Variants in ABTB3 observed in about 807,000 individuals in gnomAD.
The protein encoded by ABTB3 is ankyrin repeat- and BTB/POZ domain-containing protein 3.
At chr12:107,576,574 G>T in the ABTB3 span, among the ~76,000 whole-genome samples, 5 of 151,992 alleles carry the variant, frequency 3.3e-5, no homozygotes, top group Admixed American at 1.3e-4. Flanking sequence ...CTCTTCAAAG[G>T]CTCTCTCTCC....
the ABTB3 span, among the ~76,000 whole-genome samples, chr12:107,428,377 C>T: frequency 2.0e-5 from 3 of 152,136 alleles, no homozygotes; most frequent in East Asian, 5.8e-4. Context: ...GATGTCCTGC[C>T]CTGGATGTCC....
At chr12:107,645,746 C>T in the ABTB3 span, among the ~76,000 whole-genome samples, 1 of 152,182 alleles carries the variant, frequency 6.6e-6, no homozygotes, top group South Asian at 2.1e-4. Flanking sequence ...CAAGCGGCCT[C>T]ACTGAACGAG....
the ABTB3 span, among the ~76,000 whole-genome samples, chr12:107,371,727 A>G: frequency 6.6e-6 from 1 of 152,226 alleles, no homozygotes; most frequent in African/African-American, 2.4e-5. Flanking sequence ...GAGGAAGGCC[A>G]TAATTCACTC....
chr12:107,352,371 G>T, the ABTB3 span, among the ~76,000 whole-genome samples: 1 of 152,198 alleles, frequency 6.6e-6, no homozygotes, highest in Non-Finnish European at 1.5e-5. Flanking sequence ...ATGGAGGCTA[G>T]AGTGCAGTGG....
At chr12:107,496,251 G>C in the ABTB3 span, among the ~76,000 whole-genome samples, 6 of 152,124 alleles carry the variant, frequency 3.9e-5, no homozygotes, top group African/African-American at 1.4e-4. Flanking sequence ...GGTACACCCT[G>C]TCTCCCAGCA....
the ABTB3 span, among the ~76,000 whole-genome samples, chr12:107,554,453 A>G: frequency 6.6e-6 from 1 of 152,170 alleles, no homozygotes; most frequent in South Asian, 2.1e-4. Context: ...TCTGAGCCTC[A>G]GTCTCCTTAT....
chr12:107,476,280 C>A, the ABTB3 span, among the ~76,000 whole-genome samples: 1 of 152,108 alleles, frequency 6.6e-6, no homozygotes, highest in African/African-American at 2.4e-5. Context: ...CACCCCAGCC[C>A]CTCCTTCTAA....
the ABTB3 span, among the ~76,000 whole-genome samples, chr12:107,467,383 C>T: frequency 6.6e-6 from 1 of 152,160 alleles, no homozygotes; most frequent in Non-Finnish European, 1.5e-5. Context: ...CAGCAGGCAT[C>T]CCTTGTCCCC....
chr12:107,618,575 G>A, the ABTB3 span, among the ~76,000 whole-genome samples: 344 of 152,260 alleles, frequency 2.3e-3, 2 homozygotes, highest in African/African-American at 7.9e-3. Flanking sequence ...TGCCCACTCC[G>A]TGCCCATAGA....
chr12:107,539,676 G>A, the ABTB3 span, among the ~76,000 whole-genome samples: 1 of 152,202 alleles, frequency 6.6e-6, no homozygotes, highest in Non-Finnish European at 1.5e-5. Context: ...CAGAAAGGAG[G>A]AAGAGCAGGC....
At chr12:107,495,687 G>T in the ABTB3 span, among the ~76,000 whole-genome samples, 1 of 152,140 alleles carries the variant, frequency 6.6e-6, no homozygotes. Context: ...TCTACAGCTG[G>T]TATTGCCTCT....
chr12:107,383,033 G>C, the ABTB3 span, among the ~76,000 whole-genome samples: 1 of 152,100 alleles, frequency 6.6e-6, no homozygotes, highest in Non-Finnish European at 1.5e-5. Context: ...CCTCCTCAAT[G>C]GCACCTTCGC....
the ABTB3 span, among the ~76,000 whole-genome samples, chr12:107,336,446 C>T: frequency 7.1e-6 from 1 of 140,180 alleles, no homozygotes; most frequent in South Asian, 2.2e-4. Context: ...AGCTGAGTCA[C>T]CTTGGGCCAG....
At chr12:107,422,139 T>A in the ABTB3 span, among the ~76,000 whole-genome samples, 1 of 152,134 alleles carries the variant, frequency 6.6e-6, no homozygotes, top group Non-Finnish European at 1.5e-5. Context: ...AGGTAAAATT[T>A]GAGCAAAGAG....
chr12:107,581,104 TC>T, the ABTB3 span: 24 of 1,543,190 alleles, frequency 1.6e-5, 1 homozygote, highest in South Asian at 2.9e-4. Context: ...AGCCCCTGCC[TC>T]CGGGGAGGCC....
chr12:107,558,167 A>G, the ABTB3 span, among the ~76,000 whole-genome samples: 1 of 152,246 alleles, frequency 6.6e-6, no homozygotes, highest in Non-Finnish European at 1.5e-5. Context: ...ATCCAGAGAT[A>G]GTGGGGGACG....
At chr12:107,321,943 C>T in the ABTB3 span, among the ~76,000 whole-genome samples, 1 of 152,100 alleles carries the variant, frequency 6.6e-6, no homozygotes, top group Non-Finnish European at 1.5e-5. Flanking sequence ...ATCTGGTCAC[C>T]CTGCCCTACT....
At chr12:107,350,124 A>G in the ABTB3 span, among the ~76,000 whole-genome samples, 83 of 152,356 alleles carry the variant, frequency 5.4e-4, no homozygotes, top group African/African-American at 2.0e-3. Flanking sequence ...CCTTTGTTGT[A>G]GAGGAAACAG....
chr12:107,393,437 A>C, the ABTB3 span, among the ~76,000 whole-genome samples: 1 of 152,108 alleles, frequency 6.6e-6, no homozygotes, highest in Non-Finnish European at 1.5e-5. Flanking sequence ...CAGGAGACAA[A>C]GAGTTCCTGG....
Sources: allele counts gnomAD v4.1 joint callset (sites outside exome capture counted in the v4.1 genomes callset), GRCh38; gene constraint gnomAD v4.1.1; transcripts MANE v1.5; gene names NCBI Gene and HGNC (gene_info 2026-07-23, HGNC 2026-07-21).